Variants in KANSL1L observed in about 807,000 individuals in gnomAD.
The protein encoded by KANSL1L is KAT8 regulatory NSL complex subunit 1 like.
Under a neutral mutation model 108.6 loss-of-function variants are expected in KANSL1L, and 25 were observed. That is an observed-to-expected ratio of 0.23 (90% confidence interval 0.17 to 0.32). The LOEUF is 0.32. KANSL1L is among the 10% of genes least tolerant of loss of function. The probability of loss-of-function intolerance (pLI) is 1.00; values close to 1 mark genes in which losing one functional copy is unlikely to be tolerated. For missense variants in KANSL1L, 1,137 were observed against 1,125.7 expected, an observed-to-expected ratio of 1.01 and a Z score of -0.14; for synonymous variants, 405 against 395.1, an observed-to-expected ratio of 1.03 and a Z score of -0.30.
chr2:210,032,949 CAG>C (rs1347128650), intron 8 of KANSL1L: 1 of 152,108 alleles, frequency 6.6e-6, no homozygotes, highest in Non-Finnish European at 1.5e-5. Flanking sequence ...GGAGAAATGT[CAG>C]AAATAGAAAA....
intron 1 of KANSL1L, among the ~76,000 whole-genome samples, chr2:210,163,956 A>T (rs1210246968): frequency 6.6e-6 from 1 of 152,130 alleles, no homozygotes; most frequent in East Asian, 1.9e-4. Flanking sequence ...TCAAGGAAGA[A>T]GGTTCATGAG....
chr2:210,161,155 A>T (rs909985564), intron 1 of KANSL1L, among the ~76,000 whole-genome samples: 4 of 151,758 alleles, frequency 2.6e-5, no homozygotes, highest in African/African-American at 9.7e-5. Flanking sequence ...TGCCCGGCTA[A>T]TTTTTGTATT....
At chr2:210,129,312 G>T in intron 2 of KANSL1L, 140 bp from the exon 3 acceptor site, 1 of 648,586 alleles carries the variant, frequency 1.5e-6, no homozygotes, top group Non-Finnish European at 2.5e-6. Context: ...GAGAATGGCA[G>T]ATTGACTTCT....
At chr2:210,094,626 T>C (rs931336451) in intron 5 of KANSL1L, among the ~76,000 whole-genome samples, 9 of 152,036 alleles carry the variant, frequency 5.9e-5, no homozygotes, top group Non-Finnish European at 1.3e-4. Context: ...TAAAATTGTA[T>C]CTCCGATTAA....
At chr2:210,027,476 A>ATACTT in intron 11 of KANSL1L, 126 bp from the exon 12 acceptor site, 4 of 632,184 alleles carry the variant, frequency 6.3e-6, no homozygotes. Context: ...TTGTATTTTA[A>ATACTT]TACTTAATTT....
At chr2:210,054,635 A>G (rs2094329885) in intron 6 of KANSL1L, among the ~76,000 whole-genome samples, 1 of 152,194 alleles carries the variant, frequency 6.6e-6, no homozygotes, top group African/African-American at 2.4e-5. Context: ...CTCACAGTTT[A>G]TATCATACTC....
chr2:210,067,964 G>A (rs1322802713), intron 6 of KANSL1L, among the ~76,000 whole-genome samples: 5 of 151,866 alleles, frequency 3.3e-5, no homozygotes, highest in African/African-American at 7.3e-5. Flanking sequence ...TGCAACCTCC[G>A]CCTCCTGGGT....
intron 6 of KANSL1L, among the ~76,000 whole-genome samples, chr2:210,047,744 C>T (rs970547944): frequency 5.9e-5 from 9 of 152,128 alleles, no homozygotes; most frequent in Non-Finnish European, 1.3e-4. Context: ...GTCCTTTTCA[C>T]CATGCTTACT....
At chr2:210,068,680 G>T (rs139601493) in intron 6 of KANSL1L, among the ~76,000 whole-genome samples, 1 of 152,252 alleles carries the variant, frequency 6.6e-6, no homozygotes, top group East Asian at 1.9e-4. Context: ...AATTTTGGGG[G>T]TCTGACAACC....
chr2:210,155,983 CACA>C (rs2095331032), intron 1 of KANSL1L, among the ~76,000 whole-genome samples: 1 of 151,930 alleles, frequency 6.6e-6, no homozygotes, highest in Non-Finnish European at 1.5e-5. Flanking sequence ...AAAATAAAAG[CACA>C]ACAATTTCTA....
intron 1 of KANSL1L, among the ~76,000 whole-genome samples, chr2:210,159,022 TC>T (rs1211140267): frequency 6.6e-6 from 1 of 152,238 alleles, no homozygotes; most frequent in Non-Finnish European, 1.5e-5. Flanking sequence ...AACTACTGTA[TC>T]CTCAACATGC....
At chr2:210,101,551 A>G (rs1347744459) in intron 4 of KANSL1L, among the ~76,000 whole-genome samples, 1 of 152,246 alleles carries the variant, frequency 6.6e-6, no homozygotes, top group African/African-American at 2.4e-5. Context: ...ATGTGAAACA[A>G]CTAGGATCAA....
At chr2:210,128,238 T>A (rs183259346) in intron 3 of KANSL1L, among the ~76,000 whole-genome samples, 1 of 152,292 alleles carries the variant, frequency 6.6e-6, no homozygotes, top group South Asian at 2.1e-4. Flanking sequence ...AGTTCCCATA[T>A]GATCCAGCAA....
At chr2:210,102,620 GAAA>G (rs1268890512) in intron 4 of KANSL1L, among the ~76,000 whole-genome samples, 1 of 151,816 alleles carries the variant, frequency 6.6e-6, no homozygotes, top group Admixed American at 6.6e-5. Flanking sequence ...AAATTTACGA[GAAA>G]AAAACAAACA....
At chr2:210,033,218 C>T (rs2125147943) in intron 8 of KANSL1L, among the ~76,000 whole-genome samples, 1 of 152,292 alleles carries the variant, frequency 6.6e-6, no homozygotes, top group South Asian at 2.1e-4. Context: ...GATGCACTTG[C>T]ATGTCAAACA....
At chr2:210,114,637 A>T (rs190784156) in intron 3 of KANSL1L, among the ~76,000 whole-genome samples, 1 of 152,186 alleles carries the variant, frequency 6.6e-6, no homozygotes, top group African/African-American at 2.4e-5. Context: ...CATTAAAAAA[A>T]TATAATAGAT....
In KANSL1L at chr2:210,036,722, A is replaced by T. The variant is rs117370458; in HGVS notation, c.2029+3698T>A. ...AAATTTCTCATTACATTATTTATGC[A>T]TTCCCCTTAATTGTGTGCCTAACAC... On this transcript the variant is annotated intron_variant, in intron 8 of 14. Coordinates refer to ENST00000281772, the MANE Select transcript of KANSL1L (RefSeq NM_152519.4). 1.4e-4 allele frequency among the ~76,000 whole-genome samples: 21 copies of T among 152,242 alleles called. No homozygotes were observed. In the East Asian group the frequency reaches 3.7e-3, roughly 27 times the overall value.
chr2:210,099,195 TAATTA>T (rs2094769066), intron 4 of KANSL1L, among the ~76,000 whole-genome samples: 1 of 152,166 alleles, frequency 6.6e-6, no homozygotes, highest in African/African-American at 2.4e-5. Flanking sequence ...CATATACTTT[TAATTA>T]AATTATGCTA....
chr2:210,127,340 C>T (rs775815995), intron 3 of KANSL1L, among the ~76,000 whole-genome samples: 4 of 152,008 alleles, frequency 2.6e-5, no homozygotes, highest in Non-Finnish European at 5.9e-5. Flanking sequence ...CTATAAAACT[C>T]TAAGAAGAAA....
Sources: allele counts gnomAD v4.1 joint callset (sites outside exome capture counted in the v4.1 genomes callset), GRCh38; gene constraint gnomAD v4.1.1; transcripts MANE v1.5; gene names NCBI Gene and HGNC (gene_info 2026-07-23, HGNC 2026-07-21).